PLXNA2: variants seen among roughly 807,000 people sequenced by gnomAD.
PLXNA2 encodes plexin-A2.
Under a neutral mutation model 193.5 loss-of-function variants are expected in PLXNA2, and 91 were observed. The ratio of observed to expected loss-of-function variants is 0.47; its 90% CI spans 0.40 to 0.56. PLXNA2 has a LOEUF of 0.56. PLXNA2 is among the 20% of genes least tolerant of loss of function. The pLI is 0.00. For missense variants in PLXNA2, 1,995 were observed against 2,503.2 expected (o/e 0.80, Z 4.33); for synonymous variants, 997 against 1,027.3 (o/e 0.97, Z 0.56).
chr1:208,195,811 TG>T (rs1447730576), intron 3 of PLXNA2, among the ~76,000 whole-genome samples: 1 of 151,226 alleles, frequency 6.6e-6, no homozygotes, highest in African/African-American at 2.4e-5. Flanking sequence ...GATTTGATGG[TG>T]GGGGGAGGTT....
chr1:208,211,009 T>C (rs916799718), intron 2 of PLXNA2, among the ~76,000 whole-genome samples: 20 of 152,234 alleles, frequency 1.3e-4, no homozygotes, highest in Admixed American at 6.5e-5. Context: ...GAGCCAACCA[T>C]GGGAATTCTA....
chr1:208,202,670 A>T (rs892555654), intron 3 of PLXNA2, among the ~76,000 whole-genome samples: 6 of 151,974 alleles, frequency 3.9e-5, no homozygotes, highest in Non-Finnish European at 8.8e-5. Flanking sequence ...TAAAGATAAG[A>T]CCTCTGTAAA....
intron 4 of PLXNA2, among the ~76,000 whole-genome samples, chr1:208,104,071 A>G (rs1225928980): frequency 1.3e-5 from 2 of 152,214 alleles, no homozygotes; most frequent in African/African-American, 4.8e-5. Context: ...GATATGTCCT[A>G]GGTATCTGTT....
At chr1:208,150,705 A>C (rs1014613011) in intron 3 of PLXNA2, among the ~76,000 whole-genome samples, 4 of 152,142 alleles carry the variant, frequency 2.6e-5, no homozygotes, top group Admixed American at 6.5e-5. Flanking sequence ...TCACTGGTCT[A>C]TGCTGCTCGT....
intron 9 of PLXNA2, among the ~76,000 whole-genome samples, chr1:208,087,525 A>G (rs954368856): frequency 3.3e-5 from 5 of 152,168 alleles, no homozygotes; most frequent in Non-Finnish European, 1.5e-5. Flanking sequence ...AGGCCCCAAG[A>G]TTGCCCTAGT....
At chr1:208,214,404 C>T (rs1176913458) in intron 2 of PLXNA2, among the ~76,000 whole-genome samples, 1 of 152,182 alleles carries the variant, frequency 6.6e-6, no homozygotes, top group African/African-American at 2.4e-5. Flanking sequence ...CCCAAAGTCA[C>T]ACAAGGAGTA....
In PLXNA2 at chr1:208,038,544, G is replaced by T. The variant is rs1325170611; in HGVS notation, c.4661-70C>A. The T allele has an allele frequency of 1.9e-5, 23 of 1,193,348 alleles. No homozygotes were observed. The highest frequency in any genetic ancestry group is 2.9e-5 in the Non-Finnish European group (23 of 799,266). 73.9% of individuals were successfully genotyped at this position (1,193,348 alleles called of 1,614,324 possible). On this transcript the variant is annotated intron_variant, in intron 25 of 31. Coordinates refer to ENST00000367033, the MANE Select transcript of PLXNA2 (RefSeq NM_025179.4). This position sits in a 1 kb window ranked among gnomAD's most constrained non-coding sequence, Gnocchi z 4.1. Reference sequence around the variant, plus strand: ...GGCTGTGAGCCAGTGTCTCCCGATTGCACCTTCTCTAGGGACCTGGCAACC... The same window carrying T: ...GGCTGTGAGCCAGTGTCTCCCGATTTCACCTTCTCTAGGGACCTGGCAACC...
chr1:208,184,857 G>A (rs969651291), intron 3 of PLXNA2, among the ~76,000 whole-genome samples: 4 of 152,170 alleles, frequency 2.6e-5, no homozygotes, highest in African/African-American at 4.8e-5. Flanking sequence ...TAAGCGGGGG[G>A]CCAGCAGATG....
rs184630028 is a variant in PLXNA2 at position 208,132,743 on chromosome 1, A to G, written c.1506+9586T>C. On this transcript the variant is annotated intron_variant, in intron 4 of 31. Coordinates refer to ENST00000367033, the MANE Select transcript of PLXNA2 (RefSeq NM_025179.4). ...ATGATGTATGGGGGCACAACTGTAAAAATATAATTACTACTACTACCATTT... is the reference window on the plus strand; with the variant it reads ...ATGATGTATGGGGGCACAACTGTAAGAATATAATTACTACTACTACCATTT... Among the ~76,000 whole-genome samples, 274 of 152,254 alleles carry G rather than the reference A, an allele frequency of 1.8e-3. 2 individuals are homozygous for G. The highest frequency in any genetic ancestry group is 6.9e-4 in the Non-Finnish European group (47 of 68,016).
intron 3 of PLXNA2, among the ~76,000 whole-genome samples, chr1:208,203,057 T>C (rs2102586392): frequency 6.6e-6 from 1 of 152,298 alleles, no homozygotes; most frequent in African/African-American, 2.4e-5. Context: ...CCTGCCATGG[T>C]CAAGCAAGGA....
At chr1:208,050,876 G>C (rs1665236217) in intron 17 of PLXNA2, 133 bp downstream of exon 17, 1 of 663,768 alleles carries the variant, frequency 1.5e-6, no homozygotes, top group Middle Eastern at 2.5e-4. Context: ...ATGATTCCAG[G>C]CTCAGAGTCT....
chr1:208,098,454 T>TCA lies in PLXNA2; in HGVS notation c.1731+391_1731+392insTG, dbSNP rs1310601677. ...TTTCCTCTCTCTCTCTCTCTCTCTC[T>TCA]CTCTCACACACACACACACACACAC... On this transcript the variant is annotated intron_variant, in intron 6 of 31. Transcript: ENST00000367033. Among the ~76,000 whole-genome samples, 384 of 106,054 alleles carry TCA rather than the reference T, an allele frequency of 3.6e-3. 2 individuals carry two copies. Among genetic ancestry groups the TCA allele is most frequent in the South Asian group, 0.011 (33 of 3,012 alleles). The allele number at this position is 106,054 out of a possible 152,430, so 69.6% of individuals were successfully genotyped here.
chr1:208,237,635 T>C (rs1671908470), intron 1 of PLXNA2, among the ~76,000 whole-genome samples: 1 of 152,168 alleles, frequency 6.6e-6, no homozygotes, highest in Non-Finnish European at 1.5e-5. Context: ...TAAATAGTCA[T>C]CCTTCTTCAC....
chr1:208,201,194 T>TC (rs767701225), intron 3 of PLXNA2, among the ~76,000 whole-genome samples: 23 of 152,244 alleles, frequency 1.5e-4, no homozygotes, highest in Middle Eastern at 3.4e-3. Flanking sequence ...TAAACTGAGG[T>TC]CCCCTCAGAT....
intron 12 of PLXNA2, among the ~76,000 whole-genome samples, chr1:208,073,155 G>A (rs966665959): frequency 1.3e-5 from 2 of 152,200 alleles, no homozygotes; most frequent in Non-Finnish European, 2.9e-5. Flanking sequence ...ACATGGGAGA[G>A]TCTTATTAAA....
At chr1:208,152,681 A>ACGCG (rs1173929314) in intron 3 of PLXNA2, among the ~76,000 whole-genome samples, 4 of 63,820 alleles carry the variant, frequency 6.3e-5, no homozygotes, top group African/African-American at 1.7e-4. Flanking sequence ...ACACACACAC[A>ACGCG]CGCACACACA....
chr1:208,158,270 T>C (rs1200366901), intron 3 of PLXNA2, among the ~76,000 whole-genome samples: 1 of 152,192 alleles, frequency 6.6e-6, no homozygotes, highest in Non-Finnish European at 1.5e-5. Context: ...CCTGCGTCTC[T>C]CTTTCTCCTT....
rs73079948 is a variant in PLXNA2 at position 208,210,730 on chromosome 1, G to A, written c.1189-268C>T. On this transcript the variant is annotated intron_variant, in intron 2 of 31. Transcript: ENST00000367033. ...ACCTGTATCTACCTTTCTGCCAGGA[G>A]AACCAGGATCAATTTGTAAAGCTAA... 8.0e-3 allele frequency among the ~76,000 whole-genome samples: 1,222 copies of A among 152,264 alleles called. 19 individuals carry two copies. The highest frequency in any genetic ancestry group is 0.028 in the African/African-American group (1,162 of 41,542).
At chr1:208,030,819 A>G in intron 29 of PLXNA2, 1 of 985,378 alleles carries the variant, frequency 1.0e-6, no homozygotes, top group Non-Finnish European at 1.2e-6. Flanking sequence ...TTTTGATGCC[A>G]GCTCTTGGCC....
Sources: gnomAD v4.1 joint callset for allele counts (sites outside exome capture counted in the v4.1 genomes callset) on GRCh38, gnomAD v4.1.1 for gene constraint, Gnocchi (gnomAD v3.1) non-coding constraint, MANE v1.5 for transcripts, NCBI Gene and HGNC (gene_info 2026-07-23, HGNC 2026-07-21) for gene names.